LOC128092253: variants seen among roughly 807,000 people sequenced by gnomAD.
At chr6:133,979,435 C>T in the LOC128092253 span, among the ~76,000 whole-genome samples, 1 of 152,050 alleles carries the variant, frequency 6.6e-6, no homozygotes, top group Non-Finnish European at 1.5e-5. Flanking sequence ...AACCCTTGAA[C>T]GTGGTGCATT....
chr6:133,979,850 T>G, the LOC128092253 span, among the ~76,000 whole-genome samples: 1 of 152,168 alleles, frequency 6.6e-6, no homozygotes. Context: ...TTTCACTATG[T>G]TGGCCAGTCT....
At chr6:133,966,598 A>G in the LOC128092253 span, among the ~76,000 whole-genome samples, 21,813 of 152,108 alleles carry the variant, frequency 0.14, 2,018 homozygotes, top group African/African-American at 0.27. Context: ...CTTCAGTTCA[A>G]AATGTCCAAA....
chr6:133,974,532 T>A, the LOC128092253 span, among the ~76,000 whole-genome samples: 1 of 152,208 alleles, frequency 6.6e-6, no homozygotes, highest in Non-Finnish European at 1.5e-5. Context: ...TTTCACCGTG[T>A]TGGTCAGGCT....
chr6:133,974,951 A>T, the LOC128092253 span, among the ~76,000 whole-genome samples: 3 of 152,338 alleles, frequency 2.0e-5, 1 homozygote, highest in Middle Eastern at 0.01. Flanking sequence ...CTTCAGTCAC[A>T]CCTAAGACAC....
At chr6:133,956,941 A>G in the LOC128092253 span, among the ~76,000 whole-genome samples, 1 of 152,130 alleles carries the variant, frequency 6.6e-6, no homozygotes, top group Admixed American at 6.5e-5. Context: ...GACAAATTTG[A>G]TTTTTGTATT....
At chr6:133,975,793 TGAG>T in the LOC128092253 span, among the ~76,000 whole-genome samples, 2 of 152,100 alleles carry the variant, frequency 1.3e-5, no homozygotes, top group Non-Finnish European at 2.9e-5. Context: ...GAGGGAAAGG[TGAG>T]GAGGATGTGA....
At chr6:133,972,231 C>G in the LOC128092253 span, among the ~76,000 whole-genome samples, 2 of 152,190 alleles carry the variant, frequency 1.3e-5, no homozygotes, top group Non-Finnish European at 1.5e-5. Context: ...CATAACCACT[C>G]TATTTTCTCT....
At chr6:133,967,891 C>T in the LOC128092253 span, among the ~76,000 whole-genome samples, 2 of 152,114 alleles carry the variant, frequency 1.3e-5, no homozygotes, top group Admixed American at 6.5e-5. Flanking sequence ...ACAGCATGTG[C>T]GATCCCAATC....
the LOC128092253 span, among the ~76,000 whole-genome samples, chr6:133,958,346 G>A: frequency 4.3e-3 from 655 of 152,328 alleles, 4 homozygotes; most frequent in African/African-American, 0.014. Flanking sequence ...TCAGTGTAAA[G>A]CCATGTGTTG....
the LOC128092253 span, among the ~76,000 whole-genome samples, chr6:133,975,024 A>T: frequency 6.6e-6 from 1 of 152,354 alleles, no homozygotes; most frequent in African/African-American, 2.4e-5. Context: ...AGTATTAAGT[A>T]TTCAACTTAA....
chr6:133,964,904 TAGGA>T, the LOC128092253 span, among the ~76,000 whole-genome samples: 2 of 152,252 alleles, frequency 1.3e-5, no homozygotes, highest in African/African-American at 4.8e-5. Context: ...ACTATGAAAA[TAGGA>T]AGTTTCACCC....
chr6:133,959,647 A>C, the LOC128092253 span, among the ~76,000 whole-genome samples: 754 of 151,726 alleles, frequency 5.0e-3, 9 homozygotes, highest in African/African-American at 0.017. Flanking sequence ...ACACCTGGCC[A>C]TTTTTTTGTA....
chr6:133,965,069 T>C, the LOC128092253 span, among the ~76,000 whole-genome samples: 18 of 152,338 alleles, frequency 1.2e-4, no homozygotes, highest in South Asian at 3.1e-3. Context: ...CACCAACTTA[T>C]GAGAAGATTT....
At chr6:133,971,075 A>C in the LOC128092253 span, among the ~76,000 whole-genome samples, 1 of 151,662 alleles carries the variant, frequency 6.6e-6, no homozygotes, top group Non-Finnish European at 1.5e-5. Flanking sequence ...CAATTGACCA[A>C]CCTCCGTTCA....
the LOC128092253 span, among the ~76,000 whole-genome samples, chr6:133,969,780 C>A: frequency 6.6e-6 from 1 of 152,188 alleles, no homozygotes; most frequent in Non-Finnish European, 1.5e-5. Context: ...TCTCCCATTA[C>A]TGCCCCTTTG....
At chr6:133,954,711 A>T in the LOC128092253 span, among the ~76,000 whole-genome samples, 1 of 152,214 alleles carries the variant, frequency 6.6e-6, no homozygotes, top group African/African-American at 2.4e-5. Flanking sequence ...GGTCAACCAC[A>T]GCTTCTGTTT....
chr6:133,969,331 A>G, the LOC128092253 span, among the ~76,000 whole-genome samples: 1 of 148,278 alleles, frequency 6.7e-6, no homozygotes, highest in African/African-American at 2.5e-5. Flanking sequence ...AAAAAATAGT[A>G]CCTTGTAGCT....
the LOC128092253 span, among the ~76,000 whole-genome samples, chr6:133,972,237 T>C: frequency 8.4e-4 from 128 of 152,312 alleles, 1 homozygote; most frequent in Non-Finnish European, 1.8e-4. Context: ...CACTCTATTT[T>C]CTCTTCTAAC....
chr6:133,968,558 G>A, the LOC128092253 span, among the ~76,000 whole-genome samples: 1 of 152,166 alleles, frequency 6.6e-6, no homozygotes, highest in African/African-American at 2.4e-5. Context: ...AAACAATCAT[G>A]AGAGGTAAAT....
Sources: allele counts gnomAD v4.1 joint callset (sites outside exome capture counted in the v4.1 genomes callset), GRCh38; gene constraint gnomAD v4.1.1; transcripts MANE v1.5.